Variants in FGFRL1 observed in about 807,000 individuals in gnomAD.
FGFRL1 encodes the protein fibroblast growth factor receptor-like 1.
Under a neutral mutation model 36.8 loss-of-function variants are expected in FGFRL1, and 24 were observed. The ratio of observed to expected loss-of-function variants is 0.65; its 90% CI spans 0.47 to 0.92. The LOEUF (loss-of-function observed/expected upper bound fraction) is 0.92, where lower values mean the gene tolerates loss of function less well. Among genes scored for constraint, FGFRL1 ranks in the 40% least tolerant of loss-of-function variants. FGFRL1 has a pLI of 0.00. For missense variants in FGFRL1, 785 were observed against 753.4 expected (o/e 1.04, Z -0.49); for synonymous variants, 422 against 344.1 (o/e 1.23, Z -2.50).
intron 2 of FGFRL1, among the ~76,000 whole-genome samples, chr4:1,018,702 G>C (rs1174463087): frequency 6.6e-6 from 1 of 152,206 alleles, no homozygotes; most frequent in Admixed American, 6.5e-5. Context: ...CCAGGTGCCT[G>C]TGCCCTCAGG....
Position 1,025,356 on chromosome 4 carries a change from G to GT in FGFRL1, c.*10dup, listed in dbSNP as rs1308829585. The GT allele has an allele frequency of 2.6e-6, 4 of 1,535,512 alleles. No individual in the cohort carries two copies. The highest frequency in any genetic ancestry group is 3.5e-6 in the Non-Finnish European group (4 of 1,135,628). ...TCCACTATCAGTGCTAGACGGCACC[G>GT]TATCTGCAGTGGGCACGGGGGGGCC... On this transcript the variant is annotated 3_prime_UTR_variant, in exon 7 of 7. Transcript: ENST00000510644.
At chr4:1,014,440 G>A (rs369005387) in intron 2 of FGFRL1, among the ~76,000 whole-genome samples, 4 of 152,220 alleles carry the variant, frequency 2.6e-5, no homozygotes, top group Non-Finnish European at 5.9e-5. Flanking sequence ...ACTTTTGCAA[G>A]CATGGCCTTG....
intron 5 of FGFRL1, 78 bp downstream of exon 5, chr4:1,024,179 G>C: frequency 9.1e-7 from 1 of 1,095,700 alleles, no homozygotes; most frequent in South Asian, 1.9e-5. Context: ...GCTGGTGGGC[G>C]GGGGCGCTGG....
chr4:1,023,597 G>GCC lies in FGFRL1; in HGVS notation c.353-39_353-38dup. The GCC allele has an allele frequency of 1.3e-6, 2 of 1,537,572 alleles. No homozygotes were observed. Among genetic ancestry groups the GCC allele is most frequent in the Non-Finnish European group, 1.8e-6 (2 of 1,134,932 alleles). ...GGGGGAGTTGGGGGAGCTCCTCAGG[G>GCC]CCCCCCTCACCTGCCCTCCCTGTGC... On this transcript the variant is annotated intron_variant, in intron 3 of 6. Transcript: ENST00000510644. This position sits in a 1 kb window ranked among gnomAD's most constrained non-coding sequence, Gnocchi z 6.0.
At chr4:1,024,689 C>T (rs747012038) in intron 6 of FGFRL1, 25 bp downstream of exon 6, 3 of 1,574,712 alleles carry the variant, frequency 1.9e-6, no homozygotes, top group African/African-American at 2.7e-5. Flanking sequence ...CGCCACGCCA[C>T]ACCATGCTGG....
At chr4:1,022,500 T>A in intron 3 of FGFRL1, 25 bp downstream of exon 3, 1 of 1,565,102 alleles carries the variant, frequency 6.4e-7, no homozygotes, top group Non-Finnish European at 8.7e-7. Flanking sequence ...CGGTCAGAGG[T>A]CATGGGCTGG....
chr4:1,014,582 G>A (rs1715785492), intron 2 of FGFRL1, among the ~76,000 whole-genome samples: 1 of 152,162 alleles, frequency 6.6e-6, no homozygotes, highest in African/African-American at 2.4e-5. Context: ...TGCCTGGGGG[G>A]TAGCGGGGTC....
At chr4:1,014,272 C>CTT (rs112944118) in intron 2 of FGFRL1, among the ~76,000 whole-genome samples, 5 of 147,634 alleles carry the variant, frequency 3.4e-5, no homozygotes, top group African/African-American at 1.2e-4. Flanking sequence ...TCTTAAACTG[C>CTT]TTTTTTTTTT....
chr4:1,013,487 C>G (rs1255240218), intron 2 of FGFRL1, among the ~76,000 whole-genome samples: 1 of 152,214 alleles, frequency 6.6e-6, no homozygotes, highest in African/African-American at 2.4e-5. Context: ...CGTTCGGGTG[C>G]TGGGTGGCGG....
At chr4:1,016,709 A>G (rs2153025714) in intron 2 of FGFRL1, among the ~76,000 whole-genome samples, 1 of 151,922 alleles carries the variant, frequency 6.6e-6, no homozygotes, top group South Asian at 2.1e-4. Context: ...CTAGCTGGTG[A>G]CTGTGTGTGC....
intron 5 of FGFRL1, 40 bp from the exon 6 acceptor site, chr4:1,024,271 C>G: frequency 6.5e-7 from 1 of 1,544,110 alleles, no homozygotes; most frequent in Non-Finnish European, 8.7e-7. Flanking sequence ...TAGAGTCCGG[C>G]GCGGCCCAGG....
At position 1,023,117 on chromosome 4, in the gene FGFRL1, G is replaced by C. The variant is rs998487717; in HGVS notation, c.353-524G>C. ...CCAGCAGGGTCTGGGGGTGCGGCCT[G>C]AGACAGCCTGGTCCTGGGCTCAGTG... is the stretch of plus-strand genomic sequence containing the variant. On this transcript the variant is annotated intron_variant, in intron 3 of 6. Coordinates refer to ENST00000510644, the MANE Select transcript of FGFRL1 (RefSeq NM_001004356.3). This position sits in a 1 kb window ranked among gnomAD's most constrained non-coding sequence, Gnocchi z 6.0. 3.3e-5 allele frequency among the ~76,000 whole-genome samples: 5 copies of C among 152,252 alleles called. No homozygotes were observed. Among genetic ancestry groups the C allele is most frequent in the African/African-American group, 1.2e-4 (5 of 41,550 alleles).
intron 1 of FGFRL1, 123 bp downstream of exon 1, chr4:1,012,077 C>G (rs1476668881): frequency 6.7e-6 from 1 of 150,010 alleles, no homozygotes; most frequent in Non-Finnish European, 1.5e-5. Flanking sequence ...TGCGCGCCGC[C>G]GCCGCTCCTG....
At position 1,025,679 on chromosome 4, in the gene FGFRL1, A is replaced by G; in HGVS notation, c.*332A>G. Reference sequence around the variant, plus strand: ...GAGACATGCCAGAACATACAAGGACATGCTGCCTGAACATACACACGCACA... The same window carrying G: ...GAGACATGCCAGAACATACAAGGACGTGCTGCCTGAACATACACACGCACA... On this transcript the variant is annotated 3_prime_UTR_variant, in exon 7 of 7. Coordinates refer to ENST00000510644, the MANE Select transcript of FGFRL1 (RefSeq NM_001004356.3). 1 of 420,532 alleles carries G rather than the reference A, an allele frequency of 2.4e-6. No homozygotes were observed. Among genetic ancestry groups the G allele is most frequent in the Admixed American group, 4.2e-5 (1 of 23,800 alleles). The allele number at this position is 420,532 out of a possible 1,614,324, so 26.1% of individuals were successfully genotyped here.
chr4:1,012,853 C>T (rs2153024923), intron 2 of FGFRL1, among the ~76,000 whole-genome samples: 1 of 152,376 alleles, frequency 6.6e-6, no homozygotes, highest in African/African-American at 2.4e-5. Flanking sequence ...CAAACACTTT[C>T]ATACTCGTAC....
At position 1,011,815 on chromosome 4, in the gene FGFRL1, AG is replaced by A. The variant is rs1002386811; in HGVS notation, c.-154del. ...GACCCGGCCCGAGCCGCCCGCGCCC[AG>A]GTAGCGCCGCCCCGCCCCGAGACCG... On this transcript the variant is annotated 5_prime_UTR_variant, in exon 1 of 7. Coordinates refer to ENST00000510644, the MANE Select transcript of FGFRL1 (RefSeq NM_001004356.3). The A allele has an allele frequency of 7.4e-6, 1 of 135,194 alleles. No individual in the cohort carries two copies. Among genetic ancestry groups the A allele is most frequent in the African/African-American group, 2.7e-5 (1 of 36,754 alleles). 8.4% of individuals were successfully genotyped at this position (135,194 alleles called of 1,614,324 possible).
chr4:1,018,141 G>T (rs1164651421), intron 2 of FGFRL1, among the ~76,000 whole-genome samples: 1 of 152,180 alleles, frequency 6.6e-6, no homozygotes, highest in Non-Finnish European at 1.5e-5. Flanking sequence ...GCCGCAGGGG[G>T]TTCCTGCCTC....
At chr4:1,016,382 C>A (rs889241373) in intron 2 of FGFRL1, among the ~76,000 whole-genome samples, 2 of 152,084 alleles carry the variant, frequency 1.3e-5, no homozygotes, top group African/African-American at 4.8e-5. Context: ...GCTGGGTGGG[C>A]CTGGTGAGGT....
rs61734883 is a variant in FGFRL1, at chr4:1,025,059, G to A, written c.1227G>A (p.Ala409=). 5.8e-4 allele frequency: 929 copies of A among 1,609,546 alleles called. 3 individuals carry two copies. The African/African-American group carries it at 1.0e-2, about 17-fold the overall frequency. The part of the protein sequence containing the change: ...CQAQKKPCTP[A]PAPPLPGHRP... ...CCCAGAAGAAGCCGTGCACCCCCGC[G>A]CCTGCCCCTCCCCTGCCTGGGCACC... The change falls in exon 7 of 7, where the codon GCG becomes GCA. Residue 409 remains alanine, a synonymous_variant. Coordinates refer to ENST00000510644, the MANE Select transcript of FGFRL1 (RefSeq NM_001004356.3).
Sources: gnomAD v4.1 joint callset for allele counts (sites outside exome capture counted in the v4.1 genomes callset) on GRCh38, gnomAD v4.1.1 for gene constraint, Gnocchi (gnomAD v3.1) non-coding constraint, MANE v1.5 for transcripts, NCBI Gene and HGNC (gene_info 2026-07-23, HGNC 2026-07-21) for gene names.